The following CCDC192 variants were observed in gnomAD, a reference collection of about 807,000 sequenced individuals.
CCDC192 encodes the protein coiled-coil domain containing 192.
intron 5 of CCDC192, among the ~76,000 whole-genome samples, chr5:127,835,678 T>C (rs917903072): frequency 6.6e-6 from 1 of 152,156 alleles, no homozygotes; most frequent in Non-Finnish European, 1.5e-5. Context: ...ATGTCTTTCA[T>C]GGTGGCAGGC....
rs60854127 is a variant in CCDC192, at chr5:127,912,419, C to CAAAAAAAAAAAAAAAAAAAAAAAA, written c.536-28742_536-28741insAAAAAAAAAAAAAAAAAAAAAAAA. ...AGTGAGAATAGATTCCTGGGTTTAG[C>CAAAAAAAAAAAAAAAAAAAAAAAA]AAAAAAAAAAAAAAAAAAAAATGAA... is the stretch of plus-strand genomic sequence containing the variant. On this transcript the variant is annotated intron_variant, in intron 6 of 6. Transcript: ENST00000514853. Among the ~76,000 whole-genome samples the CAAAAAAAAAAAAAAAAAAAAAAAA allele has an allele frequency of 2.5e-5, 2 of 81,452 alleles. 1 individual carries two copies. Among genetic ancestry groups the CAAAAAAAAAAAAAAAAAAAAAAAA allele is most frequent in the Non-Finnish European group, 4.5e-5 (2 of 44,746 alleles). The allele number at this position is 81,452 out of a possible 152,430, so 53.4% of individuals were successfully genotyped here. A position where few individuals can be genotyped will look rare whatever the true frequency, so the allele number is the denominator to read the frequency against.
At chr5:127,784,520 G>A (rs1756423989) in intron 3 of CCDC192, 1 of 367,604 alleles carries the variant, frequency 2.7e-6, no homozygotes, top group Non-Finnish European at 5.1e-6. Flanking sequence ...AGGTACAATG[G>A]TGGCAGGCTG....
intron 2 of CCDC192, among the ~76,000 whole-genome samples, chr5:127,743,465 G>A (rs905359705): frequency 2.6e-5 from 4 of 152,102 alleles, no homozygotes; most frequent in Admixed American, 6.5e-5. Flanking sequence ...ATGTTGAGAC[G>A]CAGACAAATG....
chr5:127,836,276 C>T (rs1750031720), intron 5 of CCDC192, among the ~76,000 whole-genome samples: 1 of 152,238 alleles, frequency 6.6e-6, no homozygotes, highest in Admixed American at 6.5e-5. Flanking sequence ...GGTGGGCTCC[C>T]ATGGCATTGG....
At chr5:127,860,795 T>C (rs777085552) in intron 5 of CCDC192, among the ~76,000 whole-genome samples, 1 of 152,198 alleles carries the variant, frequency 6.6e-6, no homozygotes, top group Non-Finnish European at 1.5e-5. Flanking sequence ...AGATTCCTTC[T>C]TTTCATACGT....
At position 127,725,249 on chromosome 5, in the gene CCDC192, C is replaced by T. The variant is rs868534066; in HGVS notation, c.114+17489C>T. 5.6e-4 allele frequency among the ~76,000 whole-genome samples: 85 copies of T among 152,218 alleles called. 1 individual carries two copies. The highest frequency in any genetic ancestry group is 2.0e-3 in the African/African-American group (84 of 41,526). On this transcript the variant is annotated intron_variant, in intron 2 of 6. Transcript: ENST00000514853. ...TTTCCATAGAGACAGGTTGTTTACT[C>T]ATTGATTCATGAATTTGAGGAAATT... is the stretch of plus-strand genomic sequence containing the variant.
intron 5 of CCDC192, among the ~76,000 whole-genome samples, chr5:127,803,050 C>T (rs905827502): frequency 1.3e-5 from 2 of 152,148 alleles, no homozygotes. Flanking sequence ...ATTCCTATTT[C>T]ACGTGAAATA....
intron 5 of CCDC192, among the ~76,000 whole-genome samples, chr5:127,868,009 CTTTTTT>C (rs11440985): frequency 3.0e-5 from 4 of 133,486 alleles, no homozygotes; most frequent in Non-Finnish European, 6.4e-5. Context: ...TTTTCTTTTT[CTTTTTT>C]TTTTTTTTTT....
chr5:127,774,091 C>G (rs190690497), intron 3 of CCDC192, among the ~76,000 whole-genome samples: 2 of 152,184 alleles, frequency 1.3e-5, no homozygotes, highest in African/African-American at 4.8e-5. Context: ...AAGTCCTTTG[C>G]CCAGTTTTCA....
intron 2 of CCDC192, among the ~76,000 whole-genome samples, chr5:127,750,716 T>C (rs1321876845): frequency 2.1e-5 from 3 of 140,866 alleles, no homozygotes; most frequent in African/African-American, 8.0e-5. Context: ...CAGTGGGGTG[T>C]TAAAGTCTCC....
upstream of CCDC192, among the ~76,000 whole-genome samples, chr5:127,702,426 T>C (rs899489389): frequency 6.6e-6 from 1 of 152,218 alleles, no homozygotes; most frequent in Non-Finnish European, 1.5e-5. Flanking sequence ...CGCTCAATAG[T>C]TCTTAATTTT....
chr5:127,782,589 T>A (rs570388129), intron 3 of CCDC192, among the ~76,000 whole-genome samples: 1 of 152,280 alleles, frequency 6.6e-6, no homozygotes, highest in African/African-American at 2.4e-5. Flanking sequence ...TCTAGGTTTT[T>A]TAGTCTGTAT....
chr5:127,778,831 T>C (rs1756021135), intron 3 of CCDC192, among the ~76,000 whole-genome samples: 1 of 152,156 alleles, frequency 6.6e-6, no homozygotes, highest in Non-Finnish European at 1.5e-5. Context: ...CTATTTCTTC[T>C]TGAGTCAGTT....
At chr5:127,787,642 A>G (rs1382000380) in intron 3 of CCDC192, among the ~76,000 whole-genome samples, 1 of 152,130 alleles carries the variant, frequency 6.6e-6, no homozygotes. Flanking sequence ...ATTTTTATGA[A>G]CCAAATTATA....
At chr5:127,721,843 G>T (rs1420175501) in intron 2 of CCDC192, among the ~76,000 whole-genome samples, 2 of 152,182 alleles carry the variant, frequency 1.3e-5, no homozygotes, top group Admixed American at 1.3e-4. Context: ...GCAGGAGGAA[G>T]AGAGAAAGCG....
At chr5:127,736,008 G>C (rs1165894564) in intron 2 of CCDC192, among the ~76,000 whole-genome samples, 45 of 106,926 alleles carry the variant, frequency 4.2e-4, no homozygotes, top group Non-Finnish European at 1.6e-4. Context: ...TCTTGTCCCA[G>C]TTTTCAAAGG....
At chr5:127,933,139 G>A (rs1754088823) in intron 6 of CCDC192, among the ~76,000 whole-genome samples, 1 of 152,182 alleles carries the variant, frequency 6.6e-6, no homozygotes, top group African/African-American at 2.4e-5. Flanking sequence ...TTACTCTGGA[G>A]AGGAGGAAGG....
chr5:127,869,827 T>C (rs1293502624), intron 5 of CCDC192, among the ~76,000 whole-genome samples: 2 of 152,196 alleles, frequency 1.3e-5, no homozygotes, highest in South Asian at 4.1e-4. Flanking sequence ...GTAACTAAAA[T>C]ATATTTCTAT....
intron 5 of CCDC192, among the ~76,000 whole-genome samples, chr5:127,832,784 T>A (rs919926440): frequency 3.9e-5 from 6 of 152,268 alleles, no homozygotes; most frequent in African/African-American, 1.4e-4. Context: ...TGTTCACATC[T>A]AGCTAAAAAC....
Sources: gnomAD v4.1 joint callset for allele counts (sites outside exome capture counted in the v4.1 genomes callset) on GRCh38, gnomAD v4.1.1 for gene constraint, MANE v1.5 for transcripts, NCBI Gene and HGNC (gene_info 2026-07-23, HGNC 2026-07-21) for gene names.